PSMD14: variants seen among roughly 807,000 people sequenced by gnomAD.
PSMD14 encodes the protein ubiquitin C-terminal hydrolase PSMD14.
PSMD14 carries 7 observed loss-of-function variants against 41.2 expected under a neutral mutation model. The observed-to-expected ratio is 0.17, with a 90% CI of 0.10 to 0.32. The LOEUF (loss-of-function observed/expected upper bound fraction) is 0.32, where lower values mean the gene tolerates loss of function less well. Ranked by LOEUF, PSMD14 falls within the 10% of genes least tolerant of loss-of-function variation. The probability of loss-of-function intolerance (pLI) is 1.00; values close to 1 mark genes in which losing one functional copy is unlikely to be tolerated. For missense variants in PSMD14, 139 were observed against 375.6 expected, an observed-to-expected ratio of 0.37 and a Z score of 5.21; for synonymous variants, 114 against 122.3, an observed-to-expected ratio of 0.93 and a Z score of 0.45.
At chr2:161,408,580 C>T in intron 10 of PSMD14, 1 of 398,748 alleles carries the variant, frequency 2.5e-6, no homozygotes, top group Non-Finnish European at 4.7e-6. Context: ...ATGGTCAACA[C>T]AATCATTTAG....
At chr2:161,367,733 C>G in intron 4 of PSMD14, 51 bp from the exon 5 acceptor site, 1 of 1,589,474 alleles carries the variant, frequency 6.3e-7, no homozygotes. Context: ...AAAGAAGAAC[C>G]AGAGACCTCA....
Position 161,332,335 on chromosome 2 carries a change from T to C in PSMD14, c.48+13462T>C, listed in dbSNP as rs192599965. The stretch of plus-strand genomic sequence containing the variant: ...TTTTACGTCTTTAAAACGTTTTCCT[T>C]ACAGTCCAGAAACTGATTAGTGCTT... On this transcript the variant is annotated intron_variant, in intron 3 of 11. Transcript: ENST00000409682. Among the ~76,000 whole-genome samples the C allele has an allele frequency of 2.5e-4, 38 of 152,352 alleles. No individual in the cohort carries two copies. In the East Asian group the frequency reaches 7.1e-3, roughly 29 times the overall value.
chr2:161,366,883 T>A (rs1335055584), intron 3 of PSMD14, among the ~76,000 whole-genome samples: 1 of 152,146 alleles, frequency 6.6e-6, no homozygotes, highest in African/African-American at 2.4e-5. Context: ...TTTGGAAGTA[T>A]TTTCACGTCA....
chr2:161,370,112 C>A lies in PSMD14; in HGVS notation c.246C>A (p.Val82=). The A allele has an allele frequency of 1.3e-6, 2 of 1,577,662 alleles. No homozygotes were observed. The highest frequency in any genetic ancestry group is 2.4e-5 in the South Asian group (2 of 84,384). The stretch of plus-strand genomic sequence containing the variant: ...TTTCTTTCTTTCTAAATCAGGGTGT[C>A]AGTGTGGAGGCAGTTGATCCAGTGT... ...VFAMPQSGTG[V]SVEAVDPVFQ... is the part of the protein sequence containing the mutation. Residue 82 remains valine (V), a synonymous_variant, in exon 6 of 12, where the codon GTC becomes GTA. Coordinates refer to ENST00000409682, the MANE Select transcript of PSMD14 (RefSeq NM_005805.6).
chr2:161,391,518 A>G (rs1166184212), intron 9 of PSMD14, among the ~76,000 whole-genome samples: 1 of 152,132 alleles, frequency 6.6e-6, no homozygotes, highest in Non-Finnish European at 1.5e-5. Flanking sequence ...TTGTAATTAA[A>G]TTAGTAATAT....
At chr2:161,379,318 A>C (rs983724804) in intron 7 of PSMD14, among the ~76,000 whole-genome samples, 2 of 152,004 alleles carry the variant, frequency 1.3e-5, no homozygotes, top group African/African-American at 4.8e-5. Flanking sequence ...GTTCAATTTT[A>C]AGCTCACTGT....
chr2:161,325,698 A>G (rs974032898), intron 3 of PSMD14, among the ~76,000 whole-genome samples: 2 of 152,214 alleles, frequency 1.3e-5, no homozygotes, highest in African/African-American at 4.8e-5. Flanking sequence ...TAGTTCAAGA[A>G]TAGCAAAGAA....
At chr2:161,339,181 T>G (rs1043796044) in intron 3 of PSMD14, among the ~76,000 whole-genome samples, 1 of 152,246 alleles carries the variant, frequency 6.6e-6, no homozygotes, top group African/African-American at 2.4e-5. Context: ...CTGGACCATA[T>G]GGTAGGTATA....
chr2:161,359,988 TTAAG>T (rs1471593772), intron 3 of PSMD14, among the ~76,000 whole-genome samples: 2 of 152,166 alleles, frequency 1.3e-5, no homozygotes, highest in Admixed American at 6.6e-5. Context: ...TGATGAATAC[TTAAG>T]TATTATTTGT....
chr2:161,379,065 G>A (rs1683540383), intron 7 of PSMD14, among the ~76,000 whole-genome samples: 3 of 152,066 alleles, frequency 2.0e-5, no homozygotes, highest in Admixed American at 6.6e-5. Context: ...ATGCTCTACT[G>A]CCATGCTAAC....
chr2:161,405,005 C>A (rs370714394), intron 10 of PSMD14, among the ~76,000 whole-genome samples: 1 of 152,168 alleles, frequency 6.6e-6, no homozygotes, highest in East Asian at 1.9e-4. Context: ...CTGTCTGAGA[C>A]CTTTCCAGTT....
At chr2:161,368,264 A>G (rs1458841957) in intron 5 of PSMD14, among the ~76,000 whole-genome samples, 1 of 151,994 alleles carries the variant, frequency 6.6e-6, no homozygotes, top group African/African-American at 2.4e-5. Context: ...TAGATTTTCA[A>G]CTCACATATA....
intron 7 of PSMD14, among the ~76,000 whole-genome samples, chr2:161,376,385 T>C (rs1031090874): frequency 1.6e-4 from 24 of 151,844 alleles, no homozygotes; most frequent in African/African-American, 5.8e-4. Flanking sequence ...AATGATACTT[T>C]ATTCTGAAGA....
intron 1 of PSMD14, among the ~76,000 whole-genome samples, chr2:161,311,019 C>G (rs1689081189): frequency 6.6e-6 from 1 of 152,130 alleles, no homozygotes; most frequent in Non-Finnish European, 1.5e-5. Flanking sequence ...AAAAAAGTTG[C>G]ATCTAGGCCA....
At chr2:161,382,272 A>G (rs1379550019) in intron 7 of PSMD14, 1 of 151,798 alleles carries the variant, frequency 6.6e-6, no homozygotes, top group Non-Finnish European at 1.5e-5. Context: ...AGCATCATCA[A>G]CCCCTATTTT....
chr2:161,346,980 T>C (rs1683053090), intron 3 of PSMD14, among the ~76,000 whole-genome samples: 1 of 152,118 alleles, frequency 6.6e-6, no homozygotes, highest in African/African-American at 2.4e-5. Context: ...GCAGCTATTT[T>C]TTCTGTGGTA....
intron 1 of PSMD14, among the ~76,000 whole-genome samples, chr2:161,313,120 T>G (rs4664044): frequency 0.84 from 128,056 of 152,022 alleles, 54,134 homozygotes; most frequent in African/African-American, 0.92. Context: ...AGAGAGGTAA[T>G]TTACTCAAGG....
intron 10 of PSMD14, among the ~76,000 whole-genome samples, chr2:161,402,265 A>G (rs1312692974): frequency 1.3e-5 from 2 of 152,228 alleles, no homozygotes; most frequent in Non-Finnish European, 2.9e-5. Flanking sequence ...AAAGAAAACT[A>G]TTTAAAAAAA....
intron 1 of PSMD14, among the ~76,000 whole-genome samples, 152 bp from the exon 2 acceptor site, chr2:161,316,270 CTCCCTGTAAGGGAGA>C (rs1275207568): frequency 6.6e-6 from 1 of 152,170 alleles, no homozygotes; most frequent in East Asian, 1.9e-4. Flanking sequence ...TGCTCTGTAG[CTCCCTGTAAGGGAGA>C]TCATTCTATA....
Sources: allele counts gnomAD v4.1 joint callset (sites outside exome capture counted in the v4.1 genomes callset), GRCh38; gene constraint gnomAD v4.1.1; transcripts MANE v1.5; gene names NCBI Gene and HGNC (gene_info 2026-07-23, HGNC 2026-07-21).